The following ZNF131 variants were observed in gnomAD, a reference collection of about 807,000 sequenced individuals.
ZNF131 encodes zinc finger protein 131.
In ZNF131, 7 loss-of-function variants were observed where a neutral mutation model predicts 60.0. That is an observed-to-expected ratio of 0.12 (90% CI 0.07 to 0.22). The LOEUF (loss-of-function observed/expected upper bound fraction) is 0.22. ZNF131 is among the 10% of genes least tolerant of loss of function. The pLI, the probability that ZNF131 is intolerant of heterozygous loss-of-function variation, is 1.00. For synonymous variants in ZNF131, 257 were observed against 253.2 expected, an observed-to-expected ratio of 1.01 and a Z score of -0.14; for missense variants, 493 against 740.9, an observed-to-expected ratio of 0.67 and a Z score of 3.88.
At chr5:43,140,794 G>A (rs1176171438) in intron 4 of ZNF131, among the ~76,000 whole-genome samples, 1 of 152,136 alleles carries the variant, frequency 6.6e-6, no homozygotes, top group African/African-American at 2.4e-5. Context: ...TCGGCTCACT[G>A]CAACCTCCAT....
At chr5:43,162,099 C>G (rs755421758) in intron 5 of ZNF131, among the ~76,000 whole-genome samples, 168 bp downstream of exon 5, 2 of 152,064 alleles carry the variant, frequency 1.3e-5, no homozygotes, top group Admixed American at 1.3e-4. Flanking sequence ...AATATTGGTG[C>G]TTTAAATGCA....
intron 4 of ZNF131, among the ~76,000 whole-genome samples, chr5:43,145,630 C>T (rs1747485181): frequency 6.6e-6 from 1 of 151,970 alleles, no homozygotes; most frequent in African/African-American, 2.4e-5. Context: ...TCCATCCAGC[C>T]TGGGTGACAG....
At chr5:43,147,967 T>C (rs533408849) in intron 4 of ZNF131, among the ~76,000 whole-genome samples, 64 of 149,834 alleles carry the variant, frequency 4.3e-4, no homozygotes, top group Non-Finnish European at 7.7e-4. Flanking sequence ...GGCAGGAGAA[T>C]CACTTGAACT....
chr5:43,166,708 T>C (rs1750409061), intron 5 of ZNF131, among the ~76,000 whole-genome samples: 1 of 151,542 alleles, frequency 6.6e-6, no homozygotes, highest in South Asian at 2.1e-4. Context: ...CAGACTGGAG[T>C]GCAGTGGCGT....
chr5:43,153,486 A>AAAG (rs1419086086), intron 4 of ZNF131, among the ~76,000 whole-genome samples: 1 of 151,038 alleles, frequency 6.6e-6, no homozygotes, highest in East Asian at 1.9e-4. Context: ...AAAAAAAAAA[A>AAAG]AAAGCAAAAT....
intron 4 of ZNF131, among the ~76,000 whole-genome samples, chr5:43,147,966 A>C (rs1354950148): frequency 2.0e-5 from 3 of 150,842 alleles, no homozygotes; most frequent in African/African-American, 7.3e-5. Context: ...AGGCAGGAGA[A>C]TCACTTGAAC....
chr5:43,131,662 C>T (rs902135015), intron 3 of ZNF131, among the ~76,000 whole-genome samples: 2 of 152,096 alleles, frequency 1.3e-5, no homozygotes, highest in Non-Finnish European at 2.9e-5. Flanking sequence ...TAGTTTACAT[C>T]CCTAGCATAT....
chr5:43,142,428 C>A (rs1484732931), intron 4 of ZNF131, among the ~76,000 whole-genome samples: 2 of 150,152 alleles, frequency 1.3e-5, no homozygotes, highest in African/African-American at 2.4e-5. Flanking sequence ...CTCAGCCTCC[C>A]GAGTAGCTGT....
chr5:43,139,442 A>G, intron 4 of ZNF131, 133 bp downstream of exon 4: 1 of 1,014,186 alleles, frequency 9.9e-7, no homozygotes, highest in Non-Finnish European at 1.3e-6. Flanking sequence ...TTAAGGATCT[A>G]TTAAAAAATT....
Position 43,161,919 on chromosome 5 carries a change from C to T in ZNF131, c.1042C>T (p.Arg348Ter). 6.3e-7 allele frequency: 1 copy of T among 1,589,802 alleles called. No homozygotes were observed. Among genetic ancestry groups the T allele is most frequent in the Non-Finnish European group, 8.6e-7 (1 of 1,168,704 alleles). Residue 348 changes from arginine to a stop codon, truncating the protein, a stop_gained, in exon 5 of 7, where the codon CGA becomes TGA. Coordinates refer to ENST00000682664, the MANE Select transcript of ZNF131 (RefSeq NM_001330707.2). LOFTEE classifies it high-confidence loss of function. Reference sequence around the variant, plus strand: ...TTTTGGACATTTTAAAGAACATCTTCGAAAACATACAGGTAATGAGCAAAT... The same window carrying T: ...TTTTGGACATTTTAAAGAACATCTTTGAAAACATACAGGTAATGAGCAAAT... ...DHFGHFKEHL[R>*]KHTGEKPFEC...
At chr5:43,135,085 G>A (rs1423755222) in intron 3 of ZNF131, among the ~76,000 whole-genome samples, 8 of 150,310 alleles carry the variant, frequency 5.3e-5, no homozygotes, top group African/African-American at 1.7e-4. Context: ...CCCAACCTCC[G>A]CCTCCCAGGT....
At chr5:43,157,400 G>C (rs80215238) in intron 4 of ZNF131, among the ~76,000 whole-genome samples, 8,089 of 152,170 alleles carry the variant, frequency 0.053, 318 homozygotes, top group South Asian at 0.13. Context: ...GCATATTATT[G>C]TAACTTGTCT....
At chr5:43,121,635 G>A (rs2112074712) in intron 1 of ZNF131, 1 of 155,486 alleles carries the variant, frequency 6.4e-6, no homozygotes, top group African/African-American at 2.4e-5. Flanking sequence ...CGACCCGAGA[G>A]TCGTTGTGGG....
chr5:43,149,318 G>A (rs1212965698), intron 4 of ZNF131, among the ~76,000 whole-genome samples: 1 of 152,036 alleles, frequency 6.6e-6, no homozygotes, highest in African/African-American at 2.4e-5. Context: ...ACTTTGGGCG[G>A]CCAAGGCGGG....
At chr5:43,154,106 T>C (rs1748663797) in intron 4 of ZNF131, among the ~76,000 whole-genome samples, 2 of 152,036 alleles carry the variant, frequency 1.3e-5, no homozygotes, top group Non-Finnish European at 2.9e-5. Context: ...ACAGCAACAG[T>C]GTAACCTAAA....
chr5:43,160,352 T>C (rs896017554), intron 4 of ZNF131, among the ~76,000 whole-genome samples: 1 of 151,694 alleles, frequency 6.6e-6, no homozygotes, highest in Non-Finnish European at 1.5e-5. Flanking sequence ...AAAATAAAAT[T>C]AGCTGAGTGT....
At chr5:43,143,870 C>T (rs76953207) in intron 4 of ZNF131, among the ~76,000 whole-genome samples, 14,374 of 134,614 alleles carry the variant, frequency 0.11, 834 homozygotes, top group East Asian at 0.21. Context: ...GTGTATGGCC[C>T]TCTAGGTTCT....
chr5:43,135,023 AGTTTTGCTCTT>A (rs1344809257), intron 3 of ZNF131, among the ~76,000 whole-genome samples: 6 of 147,818 alleles, frequency 4.1e-5, no homozygotes, highest in Non-Finnish European at 1.5e-5. Flanking sequence ...TTTGAGACTG[AGTTTTGCTCTT>A]GTTGCCCCGG....
intron 4 of ZNF131, among the ~76,000 whole-genome samples, chr5:43,144,346 A>G (rs975406339): frequency 3.0e-5 from 4 of 132,798 alleles, no homozygotes; most frequent in African/African-American, 1.2e-4. Context: ...CTCCTGCCTC[A>G]GCCTCCTGAG....
Sources: gnomAD v4.1 joint callset for allele counts (sites outside exome capture counted in the v4.1 genomes callset) on GRCh38, gnomAD v4.1.1 for gene constraint, MANE v1.5 for transcripts, NCBI Gene and HGNC (gene_info 2026-07-23, HGNC 2026-07-21) for gene names.